Variants in DLG2 observed in about 807,000 individuals in gnomAD.
DLG2 encodes disks large homolog 2.
Under a neutral mutation model 132.5 loss-of-function variants are expected in DLG2, and 45 were observed. That is an observed-to-expected ratio of 0.34 (90% CI 0.27 to 0.44). The LOEUF is 0.44. Ranked by LOEUF, DLG2 falls within the 20% of genes least tolerant of loss-of-function variation. The pLI is 1.00. For synonymous variants in DLG2, 424 were observed against 419.6 expected, an observed-to-expected ratio of 1.01 and a Z score of -0.13; for missense variants, 1,045 against 1,196.9, an observed-to-expected ratio of 0.87 and a Z score of 1.87.
At chr11:85,091,496 T>C (rs1298892096) in intron 6 of DLG2, among the ~76,000 whole-genome samples, 1 of 152,214 alleles carries the variant, frequency 6.6e-6, no homozygotes, top group African/African-American at 2.4e-5. Flanking sequence ...TTTCCTTTCA[T>C]GAAAAATTTC....
chr11:84,286,926 C>T (rs1344361216), intron 7 of DLG2, among the ~76,000 whole-genome samples: 1 of 152,140 alleles, frequency 6.6e-6, no homozygotes, highest in African/African-American at 2.4e-5. Flanking sequence ...TGGAGGTCAA[C>T]TTTCCAGATT....
At chr11:83,870,108 C>A (rs1156437274) in intron 16 of DLG2, among the ~76,000 whole-genome samples, 1 of 152,180 alleles carries the variant, frequency 6.6e-6, no homozygotes, top group East Asian at 1.9e-4. Flanking sequence ...TTTCCAGAGG[C>A]AAATGCTTTT....
chr11:83,935,464 T>C (rs1247311371), intron 14 of DLG2, among the ~76,000 whole-genome samples: 1 of 152,210 alleles, frequency 6.6e-6, no homozygotes, highest in Non-Finnish European at 1.5e-5. Context: ...AGAAAGAGGC[T>C]GACTTCTCTT....
chr11:84,821,709 G>A (rs1174940620), intron 6 of DLG2, among the ~76,000 whole-genome samples: 1 of 150,142 alleles, frequency 6.7e-6, no homozygotes, highest in Non-Finnish European at 1.5e-5. Context: ...TTGTTGTTGA[G>A]TTCCTTTCCA....
intron 6 of DLG2, among the ~76,000 whole-genome samples, chr11:84,539,670 G>A (rs904424820): frequency 4.6e-5 from 7 of 152,114 alleles, no homozygotes; most frequent in South Asian, 2.1e-4. Context: ...CCATTTTCAC[G>A]ATATTGATTC....
chr11:85,312,228 A>G (rs2080359114), intron 3 of DLG2, among the ~76,000 whole-genome samples: 1 of 151,952 alleles, frequency 6.6e-6, no homozygotes, highest in Non-Finnish European at 1.5e-5. Flanking sequence ...ATGAATGCAT[A>G]TATTTATGAA....
intron 19 of DLG2, among the ~76,000 whole-genome samples, chr11:83,571,860 C>T (rs1257039741): frequency 1.3e-5 from 2 of 151,882 alleles, no homozygotes; most frequent in Non-Finnish European, 2.9e-5. Context: ...ATTCATATTT[C>T]ATGTTTATCT....
chr11:84,126,469 C>T (rs528749133), intron 9 of DLG2, among the ~76,000 whole-genome samples: 1 of 152,118 alleles, frequency 6.6e-6, no homozygotes, highest in South Asian at 2.1e-4. Context: ...GAGTTAACTA[C>T]TTGTATGCAT....
At chr11:85,177,979 G>A (rs2079419487) in intron 4 of DLG2, among the ~76,000 whole-genome samples, 1 of 151,796 alleles carries the variant, frequency 6.6e-6, no homozygotes, top group South Asian at 2.1e-4. Context: ...ATAAATTCAA[G>A]GTCTTGAAAG....
intron 6 of DLG2, among the ~76,000 whole-genome samples, chr11:84,846,806 G>A (rs2081534564): frequency 6.6e-6 from 1 of 152,130 alleles, no homozygotes; most frequent in Admixed American, 6.6e-5. Flanking sequence ...CTGATTTGGA[G>A]AGTCATGAGT....
intron 11 of DLG2, among the ~76,000 whole-genome samples, chr11:84,000,806 C>G (rs1033963308): frequency 1.3e-5 from 2 of 151,966 alleles, no homozygotes; most frequent in African/African-American, 4.8e-5. Flanking sequence ...TACAAAGAAG[C>G]AAAAACAAGA....
intron 6 of DLG2, among the ~76,000 whole-genome samples, chr11:84,636,492 G>C (rs1040040798): frequency 6.6e-6 from 1 of 152,048 alleles, no homozygotes; most frequent in African/African-American, 2.4e-5. Flanking sequence ...TACCTTGCAG[G>C]ATTATTATGA....
chr11:83,622,193 G>T (rs555840128), intron 19 of DLG2, among the ~76,000 whole-genome samples: 11 of 152,258 alleles, frequency 7.2e-5, no homozygotes, highest in African/African-American at 2.4e-4. Flanking sequence ...CTCCCAAAGT[G>T]CTGCGATTAC....
intron 3 of DLG2, among the ~76,000 whole-genome samples, chr11:85,298,494 C>T (rs1039004566): frequency 6.6e-6 from 1 of 151,976 alleles, no homozygotes; most frequent in African/African-American, 2.4e-5. Context: ...CTGTAATACT[C>T]CTATTTCAGA....
intron 6 of DLG2, among the ~76,000 whole-genome samples, chr11:84,841,034 AGG>A (rs2080598780): frequency 6.6e-6 from 1 of 151,604 alleles, no homozygotes; most frequent in Non-Finnish European, 1.5e-5. Flanking sequence ...AACAGTAAGT[AGG>A]GGGGATAAAC....
chr11:84,932,894 G>A (rs866283474), intron 6 of DLG2, among the ~76,000 whole-genome samples: 2 of 152,136 alleles, frequency 1.3e-5, no homozygotes, highest in South Asian at 4.1e-4. Context: ...GGATTGCTAG[G>A]TCAAAATGTT....
intron 14 of DLG2, among the ~76,000 whole-genome samples, chr11:83,934,982 T>A (rs559510214): frequency 6.6e-6 from 1 of 152,352 alleles, no homozygotes; most frequent in South Asian, 2.1e-4. Flanking sequence ...TATATGTATA[T>A]GATTTTGAGC....
At chr11:85,394,182 T>C (rs1323877083) in intron 3 of DLG2, among the ~76,000 whole-genome samples, 3 of 152,224 alleles carry the variant, frequency 2.0e-5, no homozygotes, top group Non-Finnish European at 2.9e-5. Flanking sequence ...ATAAGATGTA[T>C]ATACTTGAAG....
At chr11:85,303,663 T>C (rs1170754670) in intron 3 of DLG2, among the ~76,000 whole-genome samples, 1 of 152,158 alleles carries the variant, frequency 6.6e-6, no homozygotes, top group African/African-American at 2.4e-5. Flanking sequence ...TGTGTGTGTA[T>C]GTCTGTGTGC....
Sources: allele counts gnomAD v4.1 joint callset (sites outside exome capture counted in the v4.1 genomes callset), GRCh38; gene constraint gnomAD v4.1.1; transcripts MANE v1.5; gene names NCBI Gene and HGNC (gene_info 2026-07-23, HGNC 2026-07-21).